The following MCF2L variants were observed in gnomAD, a reference collection of about 807,000 sequenced individuals.
MCF2L encodes guanine nucleotide exchange factor DBS.
Under a neutral mutation model 153.4 loss-of-function variants are expected in MCF2L, and 97 were observed. That is an observed-to-expected ratio of 0.63 (90% confidence interval 0.54 to 0.75). The LOEUF is 0.75. MCF2L is among the 30% of genes least tolerant of loss of function. The probability of loss-of-function intolerance (pLI) is 0.00; values close to 1 mark genes in which losing one functional copy is unlikely to be tolerated. For synonymous variants in MCF2L, 659 were observed against 632.2 expected (o/e 1.04, Z -0.64); for missense variants, 1,347 against 1,495.2 (o/e 0.90, Z 1.64).
chr13:112,961,448 G>A (rs1462968600), intron 2 of MCF2L, among the ~76,000 whole-genome samples: 3 of 152,222 alleles, frequency 2.0e-5, no homozygotes, highest in Non-Finnish European at 4.4e-5. Flanking sequence ...AGGGCTGGGG[G>A]ACAGGGCCTC....
rs566994605 is a variant in MCF2L at position 113,059,833 on chromosome 13, C to T, written c.370-760C>T. ...AAATTCATGTAACTGTGTCCAAGGC[C>T]GTGTGTGCACACCAGGGCACAAGAT... On this transcript the variant is annotated intron_variant, in intron 4 of 29. Coordinates refer to ENST00000535094, the MANE Select transcript of MCF2L (RefSeq NM_001112732.3). Among the ~76,000 whole-genome samples the T allele has an allele frequency of 3.3e-5, 5 of 152,240 alleles. No homozygotes were observed. In the East Asian group the frequency reaches 5.8e-4, roughly 18 times the overall value.
chr13:112,947,937 C>T (rs913663139), intron 2 of MCF2L, among the ~76,000 whole-genome samples: 1 of 152,232 alleles, frequency 6.6e-6, no homozygotes, highest in African/African-American at 2.4e-5. Context: ...GCCATGCCCC[C>T]ACAGCTCTTG....
intron 5 of MCF2L, among the ~76,000 whole-genome samples, chr13:113,062,165 C>T (rs2031613213): frequency 6.6e-6 from 1 of 151,842 alleles, no homozygotes; most frequent in African/African-American, 2.4e-5. Flanking sequence ...CTGAACAGTC[C>T]ATTCCCTAGA....
At chr13:113,087,569 T>A in intron 22 of MCF2L, 113 bp downstream of exon 22, 1 of 1,114,474 alleles carries the variant, frequency 9.0e-7, no homozygotes, top group Non-Finnish European at 1.3e-6. Context: ...GCCTTAGGTG[T>A]AGGGGTGGGG....
At chr13:113,086,276 C>A (rs770148291) in intron 21 of MCF2L, 27 bp downstream of exon 21, 52 of 1,605,930 alleles carry the variant, frequency 3.2e-5, no homozygotes, top group Non-Finnish European at 4.3e-5. Flanking sequence ...CCCGGTCTTC[C>A]CCGCCGCCTC....
In MCF2L at chr13:113,001,878, C is replaced by T. The variant is rs530378609; in HGVS notation, c.80-12885C>T. 34 of 1,568,570 alleles carry T rather than the reference C, an allele frequency of 2.2e-5. No individual in the cohort carries two copies. The Admixed American group carries it at 4.1e-4, about 19-fold the overall frequency. The stretch of plus-strand genomic sequence containing the variant: ...TGCCCGGGAAGGGCGTTCCGGGAGC[C>T]GGGTCGGGGGCTCCTGACTCGCACT... On this transcript the variant is annotated intron_variant, in intron 1 of 29. Coordinates refer to ENST00000535094, the MANE Select transcript of MCF2L (RefSeq NM_001112732.3).
At chr13:113,095,208 T>C in intron 27 of MCF2L, 1 of 1,229,624 alleles carries the variant, frequency 8.1e-7, no homozygotes, top group Admixed American at 2.7e-5. Flanking sequence ...CCAGTGAGGG[T>C]TACACCAAGA....
intron 5 of MCF2L, 81 bp downstream of exon 5, chr13:113,060,793 T>G (rs2031268614): frequency 9.6e-6 from 15 of 1,568,610 alleles, no homozygotes; most frequent in Non-Finnish European, 1.3e-5. Context: ...ATCGAAATCC[T>G]CGAGGAGCTG....
intron 22 of MCF2L, 45 bp from the exon 23 acceptor site, chr13:113,087,662 G>A: frequency 6.7e-7 from 1 of 1,501,306 alleles, no homozygotes; most frequent in South Asian, 1.1e-5. Flanking sequence ...ACAAGGCAGT[G>A]GGTTCACTGT....
intron 18 of MCF2L, 190 bp from the exon 19 acceptor site, chr13:113,084,702 C>T: frequency 1.7e-6 from 1 of 600,274 alleles, no homozygotes; most frequent in East Asian, 2.8e-5. Context: ...AGGGCAGGCC[C>T]CCCAGCGGAG....
Position 113,082,492 on chromosome 13 carries a change from G to A in MCF2L, c.1941G>A (p.Lys647=), listed in dbSNP as rs1221334952. 1 of 1,614,062 alleles carries A rather than the reference G, an allele frequency of 6.2e-7. No individual in the cohort carries two copies. Among genetic ancestry groups the A allele is most frequent in the Non-Finnish European group, 8.5e-7 (1 of 1,179,928 alleles). Reference sequence around the variant, plus strand: ...TCCTGTCAACAGGCCTTCACAACAAGAAGGATGTTTTGTTTGGAAACATGG... The same window carrying A: ...TCCTGTCAACAGGCCTTCACAACAAAAAGGATGTTTTGTTTGGAAACATGG... ...AHLLSTGLHN[K]KDVLFGNMEE... is the part of the protein sequence containing the mutation. The change falls in exon 17 of 30, where the codon AAG becomes AAA. Residue 647 remains lysine, a synonymous_variant. Coordinates refer to ENST00000535094, the MANE Select transcript of MCF2L (RefSeq NM_001112732.3).
exon 2 of MCF2L, chr13:112,902,250 C>A: frequency 6.2e-7 from 1 of 1,612,816 alleles, no homozygotes; most frequent in Non-Finnish European, 8.5e-7. Context: ...CTGGAAGCAA[C>A]AGTTATTCTT....
rs769806681 is a variant in MCF2L, at chr13:113,064,925, C to G, written c.607-11C>G. On this transcript the variant is annotated splice_polypyrimidine_tract_variant and intron_variant, in intron 6 of 29. Coordinates refer to ENST00000535094, the MANE Select transcript of MCF2L (RefSeq NM_001112732.3). The surrounding 1 kb of genome is among the most constrained non-coding windows in gnomAD (Gnocchi z 6.0). ...CACAAGGCATGCAATTGTGTTTTCT[C>G]TGTCCCCAAGGCCATCGAAAGTTTC... 1 of 1,608,846 alleles carries G rather than the reference C, an allele frequency of 6.2e-7. No homozygotes were observed. The highest frequency in any genetic ancestry group is 8.5e-7 in the Non-Finnish European group (1 of 1,177,518).
At chr13:112,994,589 G>C (rs764536230) in intron 1 of MCF2L, among the ~76,000 whole-genome samples, 77 of 152,262 alleles carry the variant, frequency 5.1e-4, no homozygotes, top group Non-Finnish European at 8.7e-4. Flanking sequence ...GCTGGTCAGG[G>C]ATGTGGCTGC....
rs148656027 is a variant in MCF2L, at chr13:113,046,933, TAAAG to T, written c.369+1578_369+1581del. Reference sequence around the variant, plus strand: ...AGACGTACTTGAGCTGGGTAATTGATAAAGAAAGAGGCGTAATTGGCTCACAGTT... The same window carrying T: ...AGACGTACTTGAGCTGGGTAATTGATAAAGAGGCGTAATTGGCTCACAGTT... On this transcript the variant is annotated intron_variant, in intron 4 of 29. Coordinates refer to ENST00000535094, the MANE Select transcript of MCF2L (RefSeq NM_001112732.3). The surrounding 1 kb of genome is among the most constrained non-coding windows in gnomAD (Gnocchi z 4.4). The T allele has an allele frequency of 8.7e-3, 1,894 of 217,526 alleles. 45 individuals carry two copies. The highest frequency in any genetic ancestry group is 0.042 in the African/African-American group (1,800 of 42,590). The allele number at this position is 217,526 out of a possible 1,614,324, so 13.5% of individuals were successfully genotyped here. A position where few individuals can be genotyped will look rare whatever the true frequency, so the allele number is the denominator to read the frequency against.
At chr13:112,897,013 G>A (rs780564775) in intron 1 of MCF2L, among the ~76,000 whole-genome samples, 19 of 152,162 alleles carry the variant, frequency 1.2e-4, no homozygotes, top group Non-Finnish European at 2.4e-4. Flanking sequence ...CCTGAGAGGA[G>A]GCCAGGCCGG....
At chr13:112,979,776 C>G (rs760032245) in intron 1 of MCF2L, 2 of 1,605,330 alleles carry the variant, frequency 1.2e-6, no homozygotes, top group South Asian at 1.1e-5. Context: ...ACAATGGGGT[C>G]GCAGGGCATG....
chr13:113,050,667 C>T (rs1393707822), intron 4 of MCF2L, among the ~76,000 whole-genome samples: 18 of 53,090 alleles, frequency 3.4e-4, no homozygotes, highest in African/African-American at 1.3e-3. Context: ...GGGGCCGGGG[C>T]GGTGGAGGGG....
chr13:112,998,756 T>A (rs918524075), intron 1 of MCF2L, among the ~76,000 whole-genome samples: 5 of 152,188 alleles, frequency 3.3e-5, no homozygotes, highest in African/African-American at 1.2e-4. Flanking sequence ...TGTCTCTGGC[T>A]AAAGGTCTAG....
Sources: allele counts gnomAD v4.1 joint callset (sites outside exome capture counted in the v4.1 genomes callset), GRCh38; gene constraint gnomAD v4.1.1; non-coding constraint Gnocchi (gnomAD v3.1); transcripts MANE v1.5; gene names NCBI Gene and HGNC (gene_info 2026-07-23, HGNC 2026-07-21).